The following DARS2 variants were observed in gnomAD, a reference collection of about 807,000 sequenced individuals.
The protein encoded by DARS2 is aspartyl-tRNA synthetase 2, mitochondrial.
Under a neutral mutation model 83.0 loss-of-function variants are expected in DARS2, and 63 were observed. The ratio of observed to expected loss-of-function variants is 0.76; its 90% CI spans 0.62 to 0.94. The LOEUF (loss-of-function observed/expected upper bound fraction) is 0.94, where lower values mean the gene tolerates loss of function less well. Ranked by LOEUF, DARS2 falls within the 40% of genes least tolerant of loss-of-function variation. The probability of loss-of-function intolerance (pLI) is 0.00; values close to 1 mark genes in which losing one functional copy is unlikely to be tolerated. For synonymous variants in DARS2, 250 were observed against 269.3 expected (o/e 0.93, Z 0.70); for missense variants, 675 against 774.4 (o/e 0.87, Z 1.52).
intron 6 of DARS2, 121 bp downstream of exon 6, chr1:173,833,620 C>A: frequency 8.5e-7 from 1 of 1,176,328 alleles, no homozygotes; most frequent in Non-Finnish European, 1.2e-6. Flanking sequence ...CTGGAATTCA[C>A]TCAATGTGTA....
At chr1:173,841,143 G>A (rs1312586230) in intron 11 of DARS2, among the ~76,000 whole-genome samples, 170 bp downstream of exon 11, 1 of 152,184 alleles carries the variant, frequency 6.6e-6, no homozygotes, top group African/African-American at 2.4e-5. Flanking sequence ...GGGAGGCCGA[G>A]GCGTGTGGAT....
chr1:173,830,547 T>G, intron 3 of DARS2, 113 bp from the exon 4 acceptor site: 1 of 868,316 alleles, frequency 1.2e-6, no homozygotes, highest in Non-Finnish European at 1.9e-6. Flanking sequence ...GCCCCAGCCT[T>G]TATGGTAATT....
chr1:173,824,888 C>T lies in DARS2; in HGVS notation c.-342C>T. 2 of 351,790 alleles carry T rather than the reference C, an allele frequency of 5.7e-6. No homozygotes were observed. The highest frequency in any genetic ancestry group is 7.4e-5 in the East Asian group (1 of 13,570). 21.8% of individuals were successfully genotyped at this position (351,790 alleles called of 1,614,324 possible). On this transcript the variant is annotated 5_prime_UTR_variant, in exon 1 of 17. Coordinates refer to ENST00000649689, the MANE Select transcript of DARS2 (RefSeq NM_018122.5). ...AAGGGCGTATACCTTGTGACCGCCT[C>T]TGGTTGTCTTGGGCTCGCGCCTGGC... is the stretch of plus-strand genomic sequence containing the variant.
intron 1 of DARS2, among the ~76,000 whole-genome samples, chr1:173,825,718 C>A (rs1156793432): frequency 3.3e-5 from 5 of 151,184 alleles, no homozygotes; most frequent in Non-Finnish European, 5.9e-5. Flanking sequence ...ATCCACCCGC[C>A]TCCGCCTCCC....
chr1:173,839,022 A>G (rs540138716), intron 9 of DARS2, among the ~76,000 whole-genome samples: 250 of 152,300 alleles, frequency 1.6e-3, no homozygotes, highest in Non-Finnish European at 2.5e-3. Flanking sequence ...GGCGTGAGCC[A>G]CCACGCCTGG....
chr1:173,827,663 G>A (rs1250049158), intron 2 of DARS2, among the ~76,000 whole-genome samples: 1 of 152,060 alleles, frequency 6.6e-6, no homozygotes, highest in Admixed American at 6.6e-5. Context: ...CCAAGTAGGT[G>A]GATATTTTTC....
At chr1:173,843,278 G>C (rs1322223304) in intron 11 of DARS2, among the ~76,000 whole-genome samples, 1 of 152,110 alleles carries the variant, frequency 6.6e-6, no homozygotes, top group Non-Finnish European at 1.5e-5. Context: ...GAGAGAATAA[G>C]GGCCAAGCGT....
At chr1:173,842,938 TAAAA>T (rs532765288) in intron 11 of DARS2, among the ~76,000 whole-genome samples, 1 of 120,234 alleles carries the variant, frequency 8.3e-6, no homozygotes. Context: ...CACTCCATCT[TAAAA>T]AAAAAAAAAA....
chr1:173,834,758 GGTTTGTTTTGGGTTTTTTTTTTTGT>G (rs1652930387), intron 7 of DARS2, among the ~76,000 whole-genome samples: 1 of 20,388 alleles, frequency 4.9e-5, no homozygotes, highest in Non-Finnish European at 8.6e-5. Context: ...TTTTTTTTTT[GGTTTGTTTTGGGTTTTTTTTTTTGT>G]TTTTTTTTTT....
At position 173,853,416 on chromosome 1, in the gene DARS2, G is replaced by A. The variant is rs745810469; in HGVS notation, c.1412G>A (p.Arg471His). Residue 471 changes from arginine (R) to histidine (H), a missense_variant, in exon 14 of 17, where the codon CGT becomes CAT. Arg to His is a conservative substitution (Grantham distance 29). Transcript: ENST00000649689. ...DLLETRGVVLRDPTLFSFLWV... is the reference protein window; with the variant it reads ...DLLETRGVVLHDPTLFSFLWV... Reference sequence around the variant, plus strand: ...CTAGAAACAAGAGGAGTGGTGCTCCGTGACCCCACTCTGTTCTCTTTCCTT... The same window carrying A: ...CTAGAAACAAGAGGAGTGGTGCTCCATGACCCCACTCTGTTCTCTTTCCTT... The A allele has an allele frequency of 8.7e-6, 14 of 1,613,862 alleles. No homozygotes were observed. The highest frequency in any genetic ancestry group is 5.3e-5 in the African/African-American group (4 of 74,822).
chr1:173,857,884 T>TA lies in DARS2; in HGVS notation c.*179_*180insA. On this transcript the variant is annotated 3_prime_UTR_variant, in exon 17 of 17. Transcript: ENST00000649689. ...AGATAAAAGATACCCAATTTTGACT[T>TA]GATTTCATGCATCATTTGGATTTTT... The TA allele has an allele frequency of 1.4e-6, 1 of 692,362 alleles. No homozygotes were observed. Among genetic ancestry groups the TA allele is most frequent in the Non-Finnish European group, 2.4e-6 (1 of 413,986 alleles). The allele number at this position is 692,362 out of a possible 1,614,324, so 42.9% of individuals were successfully genotyped here.
intron 10 of DARS2, among the ~76,000 whole-genome samples, chr1:173,840,323 C>T (rs1052155364): frequency 4.6e-5 from 7 of 152,208 alleles, no homozygotes; most frequent in South Asian, 2.1e-4. Flanking sequence ...ACTGCAACTT[C>T]GGCCTCCTGG....
chr1:173,844,456 G>A (rs998686336), intron 11 of DARS2, among the ~76,000 whole-genome samples: 28 of 151,788 alleles, frequency 1.8e-4, no homozygotes, highest in African/African-American at 6.5e-4. Context: ...AATCACATGA[G>A]GTCAGGAGTT....
chr1:173,856,464 C>A (rs536624526), intron 15 of DARS2, among the ~76,000 whole-genome samples: 129 of 152,300 alleles, frequency 8.5e-4, no homozygotes, highest in African/African-American at 2.9e-3. Flanking sequence ...TCATCTATGA[C>A]TTGTCTTTTT....
chr1:173,845,930 G>C (rs1653417761), intron 12 of DARS2, among the ~76,000 whole-genome samples: 2 of 152,204 alleles, frequency 1.3e-5, no homozygotes, highest in South Asian at 4.1e-4. Context: ...GGGCAAGACA[G>C]GCGGATCACG....
rs751818116 is a variant in DARS2, at chr1:173,853,905, G to T, written c.1674G>T (p.Lys558Asn). Residue 558 changes from lysine (K) to asparagine (N), a missense_variant and splice_region_variant, in exon 15 of 17, where the codon AAG (lysine) becomes AAT (asparagine). Physicochemically the swap from Lys to Asn is moderately conservative, Grantham distance 94. Transcript: ENST00000649689. ...GTTATATCCTGGCAACCTTACTAAA[G>T]GTAACAAACATCATCTGCTATCCTG... is the stretch of plus-strand genomic sequence containing the variant. ...LQRYILATLL[K>N]EDVKMLSHLL... The T allele has an allele frequency of 6.2e-7, 1 of 1,610,438 alleles. No individual in the cohort carries two copies. Among genetic ancestry groups the T allele is most frequent in the South Asian group, 1.1e-5 (1 of 90,992 alleles).
Position 173,825,175 on chromosome 1 carries a change from A to G in DARS2, c.-55A>G. ...CTGTGTATTTCCAAAACTGACTTTT[A>G]ACTACCGGCAGCGTGGGATTTCGTG... On this transcript the variant is annotated 5_prime_UTR_variant, in exon 1 of 17. Coordinates refer to ENST00000649689, the MANE Select transcript of DARS2 (RefSeq NM_018122.5). 3 of 1,598,116 alleles carry G rather than the reference A, an allele frequency of 1.9e-6. No homozygotes were observed. Among genetic ancestry groups the G allele is most frequent in the Non-Finnish European group, 2.6e-6 (3 of 1,169,446 alleles).
intron 3 of DARS2, among the ~76,000 whole-genome samples, 166 bp downstream of exon 3, chr1:173,828,565 C>A (rs891308294): frequency 9.2e-5 from 14 of 151,822 alleles, no homozygotes; most frequent in African/African-American, 2.7e-4. Flanking sequence ...GACCAGTGAC[C>A]CAGTAGAATT....
At position 173,853,701 on chromosome 1, in the gene DARS2, T is replaced by C. The variant is rs1571998438; in HGVS notation, c.1564-94T>C. 5.4e-6 allele frequency: 8 copies of C among 1,474,220 alleles called. No homozygotes were observed. In the East Asian group the frequency reaches 1.8e-4, roughly 33 times the overall value. 91.3% of individuals were successfully genotyped at this position (1,474,220 alleles called of 1,614,324 possible). On this transcript the variant is annotated intron_variant, in intron 14 of 16. Transcript: ENST00000649689. The stretch of plus-strand genomic sequence containing the variant: ...GAAATTGTGGAGTTTGAGTTAGTAG[T>C]AATACATTGTCTTTAAAAATCTACA...
Sources: gnomAD v4.1 joint callset for allele counts (sites outside exome capture counted in the v4.1 genomes callset) on GRCh38, gnomAD v4.1.1 for gene constraint, MANE v1.5 for transcripts, NCBI Gene and HGNC (gene_info 2026-07-23, HGNC 2026-07-21) for gene names.